The following SLC45A3 variants were observed in gnomAD, a reference collection of about 807,000 sequenced individuals.
SLC45A3 encodes the protein prostate cancer associated protein 2.
A neutral mutation model predicts 35.3 loss-of-function variants in SLC45A3; 17 were observed. The observed-to-expected ratio is 0.48, with a 90% CI of 0.33 to 0.72. The LOEUF is 0.72. Among genes scored for constraint, SLC45A3 ranks in the 30% least tolerant of loss-of-function variants. SLC45A3 has a pLI of 0.02. For synonymous variants in SLC45A3, 288 were observed against 334.3 expected (o/e 0.86, Z 1.51); for missense variants, 597 against 731.7 (o/e 0.82, Z 2.12).
intron 1 of SLC45A3, among the ~76,000 whole-genome samples, chr1:205,672,746 A>G (rs1671238975): frequency 6.6e-6 from 1 of 152,182 alleles, no homozygotes; most frequent in Non-Finnish European, 1.5e-5. Flanking sequence ...TAGCCTAGAC[A>G]GGCCATCTCA....
intron 1 of SLC45A3, among the ~76,000 whole-genome samples, chr1:205,677,718 C>T (rs1344986565): frequency 1.3e-5 from 2 of 152,192 alleles, no homozygotes; most frequent in Non-Finnish European, 1.5e-5. Context: ...CCAGGCTAGG[C>T]ACTGCTGTCC....
chr1:205,665,178 T>C (rs529980349), intron 1 of SLC45A3, among the ~76,000 whole-genome samples: 3 of 152,342 alleles, frequency 2.0e-5, no homozygotes, highest in South Asian at 4.1e-4. Flanking sequence ...CCTGTTAGTA[T>C]TGGGGAGCGG....
chr1:205,661,574 C>T (rs1319063155), intron 4 of SLC45A3, among the ~76,000 whole-genome samples: 1 of 152,174 alleles, frequency 6.6e-6, no homozygotes. Context: ...AAGCCTAGGG[C>T]TCCTGCTGGC....
chr1:205,676,944 C>T (rs1671323223), intron 1 of SLC45A3, among the ~76,000 whole-genome samples: 1 of 152,174 alleles, frequency 6.6e-6, no homozygotes, highest in African/African-American at 2.4e-5. Flanking sequence ...ACTAACTGTT[C>T]AAAGAAAGCT....
At chr1:205,670,196 G>A (rs1671187047) in intron 1 of SLC45A3, among the ~76,000 whole-genome samples, 1 of 152,236 alleles carries the variant, frequency 6.6e-6, no homozygotes, top group Admixed American at 6.5e-5. Flanking sequence ...GAGCATTCTT[G>A]TGAGACAATG....
At position 205,663,058 on chromosome 1, in the gene SLC45A3, G is replaced by C; in HGVS notation, c.733C>G (p.Arg245Gly). The C allele has an allele frequency of 6.2e-7, 1 of 1,607,924 alleles. No individual in the cohort carries two copies. The highest frequency in any genetic ancestry group is 8.5e-7 in the Non-Finnish European group (1 of 1,176,202). Residue 245 changes from arginine to glycine, a missense_variant, in exon 3 of 5, where the codon CGG becomes GGG. Physicochemically the swap from Arg to Gly is moderately radical, Grantham distance 125. Transcript: ENST00000367145. The part of the protein sequence containing the change: ...PSLSPHCCPC[R>G]ARLAFRNLGA... ...AGGTTCCGGAAAGCCAAGCGGGCCCGGCATGGACAGCAGTGGGGCGACAAG... is the reference window on the plus strand; with the variant it reads ...AGGTTCCGGAAAGCCAAGCGGGCCCCGCATGGACAGCAGTGGGGCGACAAG...
chr1:205,664,682 G>GGTA lies in SLC45A3; in HGVS notation c.-27_-26insTAC, dbSNP rs1558034850. On this transcript the variant is annotated 5_prime_UTR_variant, in exon 2 of 5. Transcript: ENST00000367145. The surrounding 1 kb of genome is among the most constrained non-coding windows in gnomAD (Gnocchi z 5.3). ...AGTGGGCCAGGCGGGTAGGGCTCAG[G>GGTA]GGGCCGTTCAGGCACTCCAGAACTG... 6.2e-7 allele frequency: 1 copy of GGTA among 1,612,112 alleles called. No homozygotes were observed. Among genetic ancestry groups the GGTA allele is most frequent in the South Asian group, 1.1e-5 (1 of 90,942 alleles).
At position 205,664,428 on chromosome 1, in the gene SLC45A3, C is replaced by T. The variant is rs1246302995; in HGVS notation, c.172+57G>A. ...CTCCCAGGGCAGAGGTACTCCTGTC[C>T]CACATGCCAGGTGGCATGTATCTGG... On this transcript the variant is annotated intron_variant, in intron 2 of 4. Coordinates refer to ENST00000367145, the MANE Select transcript of SLC45A3 (RefSeq NM_033102.3). This position sits in a 1 kb window ranked among gnomAD's most constrained non-coding sequence, Gnocchi z 5.3. 4.2e-5 allele frequency: 67 copies of T among 1,592,586 alleles called. No homozygotes were observed. The highest frequency in any genetic ancestry group is 5.4e-5 in the Non-Finnish European group (63 of 1,165,482).
chr1:205,661,833 C>G, intron 4 of SLC45A3, 28 bp downstream of exon 4: 1 of 1,596,036 alleles, frequency 6.3e-7, no homozygotes, highest in Non-Finnish European at 8.6e-7. Context: ...CCCTCCCACC[C>G]TGACTCCACC....
chr1:205,672,064 G>A (rs1323865906), intron 1 of SLC45A3, among the ~76,000 whole-genome samples: 1 of 152,152 alleles, frequency 6.6e-6, no homozygotes, highest in Non-Finnish European at 1.5e-5. Flanking sequence ...TCATAGATGT[G>A]GAGTGTGTTT....
intron 1 of SLC45A3, among the ~76,000 whole-genome samples, chr1:205,668,955 G>A (rs1020503833): frequency 6.6e-6 from 1 of 152,100 alleles, no homozygotes; most frequent in Non-Finnish European, 1.5e-5. Flanking sequence ...CTGGATCCCC[G>A]CTGCACCCCT....
intron 1 of SLC45A3, among the ~76,000 whole-genome samples, chr1:205,678,369 T>C (rs1467308391): frequency 6.6e-6 from 1 of 152,198 alleles, no homozygotes; most frequent in Non-Finnish European, 1.5e-5. Flanking sequence ...TGTTGACTTA[T>C]CAGGCTGTGA....
At chr1:205,677,521 T>C (rs972069255) in intron 1 of SLC45A3, among the ~76,000 whole-genome samples, 1 of 152,226 alleles carries the variant, frequency 6.6e-6, no homozygotes, top group Admixed American at 6.5e-5. Context: ...TATCCTCATT[T>C]TACAGAGGAG....
Position 205,661,973 on chromosome 1 carries a change from AGGCATGT to A in SLC45A3, c.1105_1111del (p.Thr369CysfsTer8). On this transcript the variant is annotated frameshift_variant, in exon 4 of 5. Coordinates refer to ENST00000367145, the MANE Select transcript of SLC45A3 (RefSeq NM_033102.3). LOFTEE classifies it high-confidence loss of function. ...TGTCACCACGGCCACACTGTGGGAC[AGGCATGT>A]GGCACCGGCAGCCACAGGGAAAGCT... 1 of 1,614,208 alleles carries A rather than the reference AGGCATGT, an allele frequency of 6.2e-7. No homozygotes were observed.
chr1:205,660,829 G>T (rs1671006948), intron 4 of SLC45A3, among the ~76,000 whole-genome samples: 1 of 152,090 alleles, frequency 6.6e-6, no homozygotes, highest in South Asian at 2.1e-4. Context: ...GCTGAAGAAG[G>T]TTATCAGTGG....
intron 2 of SLC45A3, among the ~76,000 whole-genome samples, chr1:205,663,877 C>T (rs1306572167): frequency 6.6e-6 from 1 of 152,138 alleles, no homozygotes; most frequent in Admixed American, 6.5e-5. Context: ...TAAGAGGCAG[C>T]GTTTCAACAA....
intron 1 of SLC45A3, among the ~76,000 whole-genome samples, chr1:205,670,458 C>T (rs1671191511): frequency 6.6e-6 from 1 of 152,186 alleles, no homozygotes; most frequent in Non-Finnish European, 1.5e-5. Context: ...CCAGGGGAAC[C>T]TGAGGACCCC....
At position 205,662,795 on chromosome 1, in the gene SLC45A3, G is replaced by A; in HGVS notation, c.958+38C>T. On this transcript the variant is annotated intron_variant, in intron 3 of 4. Transcript: ENST00000367145. The surrounding 1 kb of genome is among the most constrained non-coding windows in gnomAD (Gnocchi z 6.2). ...CCCCGAGTGTCGTCTCTGGTGGGCG[G>A]CTCCCACACCAGCCTCTGCTGGCTG... The A allele has an allele frequency of 6.5e-7, 1 of 1,527,706 alleles. No individual in the cohort carries two copies. The highest frequency in any genetic ancestry group is 8.8e-7 in the Non-Finnish European group (1 of 1,135,492). 94.6% of individuals were successfully genotyped at this position (1,527,706 alleles called of 1,614,324 possible). A position where few individuals can be genotyped will look rare whatever the true frequency, so the allele number is the denominator to read the frequency against.
intron 1 of SLC45A3, among the ~76,000 whole-genome samples, chr1:205,674,722 C>T (rs1671282511): frequency 6.8e-6 from 1 of 147,266 alleles, no homozygotes; most frequent in Non-Finnish European, 1.5e-5. Flanking sequence ...AGTATCTTTT[C>T]TTTTTTCTTT....
Sources: allele counts gnomAD v4.1 joint callset (sites outside exome capture counted in the v4.1 genomes callset), GRCh38; gene constraint gnomAD v4.1.1; non-coding constraint Gnocchi (gnomAD v3.1); transcripts MANE v1.5; gene names NCBI Gene and HGNC (gene_info 2026-07-23, HGNC 2026-07-21).